The following PCDHGA2 variants were observed in gnomAD, a reference collection of about 807,000 sequenced individuals.
PCDHGA2 encodes the protein protocadherin gamma-A2.
PCDHGA2 carries 40 observed loss-of-function variants against 59.2 expected under a neutral mutation model. The observed-to-expected ratio is 0.68, with a 90% CI of 0.52 to 0.88. PCDHGA2 has a LOEUF of 0.88. Among genes scored for constraint, PCDHGA2 ranks in the 40% least tolerant of loss-of-function variants. The pLI is 0.00. For synonymous variants in PCDHGA2, 560 were observed against 526.0 expected (o/e 1.06, Z -0.89); for missense variants, 1,226 against 1,204.0 (o/e 1.02, Z -0.27).
chr5:141,404,358 C>T (rs746085915), intron 1 of PCDHGA2: 19 of 1,613,846 alleles, frequency 1.2e-5, no homozygotes, highest in Non-Finnish European at 1.6e-5. Context: ...GCCAGAGGTA[C>T]TTCCATCTTC....
chr5:141,404,877 T>A (rs1242099855), intron 1 of PCDHGA2: 2 of 1,613,738 alleles, frequency 1.2e-6, no homozygotes, highest in Non-Finnish European at 1.7e-6. Flanking sequence ...AAACAGAGCC[T>A]TGTGGTGGCT....
At chr5:141,479,877 T>C (rs967661238) in intron 1 of PCDHGA2, among the ~76,000 whole-genome samples, 2 of 152,188 alleles carry the variant, frequency 1.3e-5, no homozygotes, top group African/African-American at 4.8e-5. Flanking sequence ...GAGAACCCTA[T>C]ACATACTCTC....
intron 1 of PCDHGA2, chr5:141,398,172 A>G (rs1386610242): frequency 6.1e-6 from 9 of 1,476,892 alleles, no homozygotes; most frequent in Non-Finnish European, 7.2e-6. Context: ...AGAGGCTGCC[A>G]GTGCTCTTTC....
intron 1 of PCDHGA2, chr5:141,421,647 G>C: frequency 6.2e-7 from 1 of 1,613,872 alleles, no homozygotes; most frequent in South Asian, 1.1e-5. Context: ...ACGAAGTGGA[G>C]ATAAAAGTCA....
At chr5:141,376,316 G>A (rs1178295234) in intron 1 of PCDHGA2, 2 of 1,614,224 alleles carry the variant, frequency 1.2e-6, no homozygotes, top group Non-Finnish European at 1.7e-6. Flanking sequence ...GGGCGTGGAA[G>A]GGGTTCGGGC....
intron 1 of PCDHGA2, among the ~76,000 whole-genome samples, chr5:141,469,731 C>A (rs1332201791): frequency 6.6e-6 from 1 of 152,214 alleles, no homozygotes; most frequent in Non-Finnish European, 1.5e-5. Context: ...ATCATAAATA[C>A]ACACCTCAAA....
At position 141,477,811 on chromosome 5, in the gene PCDHGA2, C is replaced by T. The variant is rs1211574518; in HGVS notation, c.2425-16996C>T. The T allele has an allele frequency of 6.2e-7, 1 of 1,614,164 alleles. No homozygotes were observed. The highest frequency in any genetic ancestry group is 8.5e-7 in the Non-Finnish European group (1 of 1,180,026). ...TCACTGATCGCAATGACAATGCCCC[C>T]CAGGTCCTATATCCTCGGCCAGGTG... is the stretch of plus-strand genomic sequence containing the variant. On this transcript the variant is annotated intron_variant, in intron 1 of 3. Transcript: ENST00000394576. The surrounding 1 kb of genome is among the most constrained non-coding windows in gnomAD (Gnocchi z 4.9).
At chr5:141,405,442 CAG>C in intron 1 of PCDHGA2, 1 of 1,378,150 alleles carries the variant, frequency 7.3e-7, no homozygotes, top group South Asian at 1.3e-5. Context: ...GTTTTTGAGA[CAG>C]AGTCTTACTC....
rs776132438 is a variant in PCDHGA2 at position 141,432,197 on chromosome 5, G to A, written c.2425-62610G>A. The A allele has an allele frequency of 2.5e-6, 4 of 1,614,112 alleles. No individual in the cohort carries two copies. The South Asian group carries it at 3.3e-5, about 13-fold the overall frequency. The stretch of plus-strand genomic sequence containing the variant: ...CGTCTCTGTGACCGCCCACGACCCC[G>A]ACTGTGAAGAGAACGCCCAGATCAC... On this transcript the variant is annotated intron_variant, in intron 1 of 3. Coordinates refer to ENST00000394576, the MANE Select transcript of PCDHGA2 (RefSeq NM_018915.4). The surrounding 1 kb of genome is among the most constrained non-coding windows in gnomAD (Gnocchi z 6.0).
chr5:141,355,305 GT>G (rs775367993), intron 1 of PCDHGA2: 5 of 1,613,846 alleles, frequency 3.1e-6, no homozygotes, highest in Non-Finnish European at 3.4e-6. Context: ...TCTACTCGGT[GT>G]TTGAGGAGCA....
At chr5:141,361,165 G>A (rs764593303) in intron 1 of PCDHGA2, 7 of 1,613,830 alleles carry the variant, frequency 4.3e-6, no homozygotes, top group Non-Finnish European at 5.9e-6. Flanking sequence ...CAACGATTGT[G>A]CACCTGAAGT....
At chr5:141,374,607 A>C in intron 1 of PCDHGA2, 1 of 1,613,660 alleles carries the variant, frequency 6.2e-7, no homozygotes, top group Non-Finnish European at 8.5e-7. Context: ...CTCAGTGGTA[A>C]TAGTCACTTC....
chr5:141,430,910 G>A lies in PCDHGA2; in HGVS notation c.2425-63897G>A. The A allele has an allele frequency of 6.2e-7, 1 of 1,608,040 alleles. No homozygotes were observed. The highest frequency in any genetic ancestry group is 8.5e-7 in the Non-Finnish European group (1 of 1,177,584). On this transcript the variant is annotated intron_variant, in intron 1 of 3. Coordinates refer to ENST00000394576, the MANE Select transcript of PCDHGA2 (RefSeq NM_018915.4). ...CTCTAGGGTGGGCGACATCTCCAGG[G>A]ACCTGGGGCTGGAGCCCCGGGAGCT...
At chr5:141,392,806 A>C (rs2092599321) in intron 1 of PCDHGA2, 1 of 1,576,662 alleles carries the variant, frequency 6.3e-7, no homozygotes, top group Non-Finnish European at 8.6e-7. Flanking sequence ...TTCTGCAGCA[A>C]AACAACAATG....
intron 1 of PCDHGA2, chr5:141,419,070 T>G: frequency 6.2e-7 from 1 of 1,613,926 alleles, no homozygotes; most frequent in Non-Finnish European, 8.5e-7. Context: ...TACTACAAGC[T>G]AGTAACAGAT....
intron 1 of PCDHGA2, among the ~76,000 whole-genome samples, chr5:141,368,623 C>A (rs1765768097): frequency 6.6e-6 from 1 of 152,060 alleles, no homozygotes; most frequent in Non-Finnish European, 1.5e-5. Flanking sequence ...GGGTACATTT[C>A]TTCTGAGTTA....
In PCDHGA2 at chr5:141,345,903, G is replaced by C; in HGVS notation, c.2424+4508G>C. On this transcript the variant is annotated intron_variant, in intron 1 of 3. Transcript: ENST00000394576. ...ACTCTTCTCGGTGGGTCTGCACACG[G>C]GCGAGGTGCGCACGGCGCGAGCCCT... 3 of 1,612,142 alleles carry C rather than the reference G, an allele frequency of 1.9e-6. No homozygotes were observed. The East Asian group carries it at 6.7e-5, about 36-fold the overall frequency.
Position 141,339,183 on chromosome 5 carries a change from G to A in PCDHGA2, c.212G>A (p.Arg71Lys), listed in dbSNP as rs61749035. The change falls in exon 1 of 4, where the codon AGG (arginine) becomes AAG (lysine). Residue 71 changes from arginine to lysine, a missense_variant. Arg to Lys is a conservative substitution (Grantham distance 26). Transcript: ENST00000394576. ...GGAGTCCGCATCGTCTCCAGAGGTA[G>A]GTCCCAGCTCTTTGCTCTGAACCCG... is the stretch of plus-strand genomic sequence containing the variant. ...EQGVRIVSRGRSQLFALNPRS... is the reference protein window; with the variant it reads ...EQGVRIVSRGKSQLFALNPRS... The A allele has an allele frequency of 6.2e-7, 1 of 1,613,998 alleles. No individual in the cohort carries two copies.
intron 1 of PCDHGA2, among the ~76,000 whole-genome samples, chr5:141,492,586 G>C (rs1451055991): frequency 6.6e-6 from 1 of 152,220 alleles, no homozygotes; most frequent in Admixed American, 6.5e-5. Context: ...GGGGCCAGGA[G>C]CGCTGGAGCG....
Sources: gnomAD v4.1 joint callset for allele counts (sites outside exome capture counted in the v4.1 genomes callset) on GRCh38, gnomAD v4.1.1 for gene constraint, Gnocchi (gnomAD v3.1) non-coding constraint, MANE v1.5 for transcripts, NCBI Gene and HGNC (gene_info 2026-07-23, HGNC 2026-07-21) for gene names.